The following MMP15 variants were observed in gnomAD, a reference collection of about 807,000 sequenced individuals.
MMP15 encodes the protein matrix metallopeptidase 15, also known as matrix metalloproteinase-15.
Under a neutral mutation model 65.0 loss-of-function variants are expected in MMP15, and 36 were observed. That is an observed-to-expected ratio of 0.55 (90% CI 0.42 to 0.73). The LOEUF is 0.73. MMP15 is among the 30% of genes least tolerant of loss of function. The pLI, the probability that MMP15 is intolerant of heterozygous loss-of-function variation, is 0.00. For missense variants in MMP15, 870 were observed against 987.8 expected (o/e 0.88, Z 1.60); for synonymous variants, 428 against 410.2 (o/e 1.04, Z -0.52).
chr16:58,042,515 C>A, intron 7 of MMP15, 146 bp downstream of exon 7: 2 of 1,219,114 alleles, frequency 1.6e-6, no homozygotes, highest in Non-Finnish European at 2.3e-6. Flanking sequence ...AGGATGAGGA[C>A]ACAGCAGCAA....
intron 1 of MMP15, among the ~76,000 whole-genome samples, chr16:58,032,505 G>T (rs550371180): frequency 1.3e-5 from 2 of 152,356 alleles, no homozygotes; most frequent in African/African-American, 4.8e-5. Context: ...GTCCGTAGAG[G>T]CCTGGCGGGT....
intron 1 of MMP15, among the ~76,000 whole-genome samples, chr16:58,032,742 T>C (rs1230943358): frequency 6.6e-6 from 1 of 152,044 alleles, no homozygotes; most frequent in Non-Finnish European, 1.5e-5. Flanking sequence ...ATACCAAGAC[T>C]ATAGGGTAGG....
intron 1 of MMP15, among the ~76,000 whole-genome samples, chr16:58,034,136 C>T (rs985054651): frequency 2.0e-5 from 3 of 152,242 alleles, no homozygotes; most frequent in African/African-American, 7.2e-5. Flanking sequence ...CAAAGCTTCA[C>T]CCGCTTGGCT....
At position 58,045,441 on chromosome 16, in the gene MMP15, G is replaced by A. The variant is rs1666745816; in HGVS notation, c.2005G>A (p.Val669Ile). ...CTGCAAGCGCTCGCTGCAGGAGTGGGTCTGACCACCCAGCGCTCCTGCTAA... is the reference window on the plus strand; with the variant it reads ...CTGCAAGCGCTCGCTGCAGGAGTGGATCTGACCACCCAGCGCTCCTGCTAA... ...LYCKRSLQEW[V>I] The change falls in exon 10 of 10, where the codon GTC (valine) becomes ATC (isoleucine). Residue 669 changes from valine to isoleucine, a missense_variant. Val to Ile is a conservative substitution (Grantham distance 29). Coordinates refer to ENST00000219271, the MANE Select transcript of MMP15 (RefSeq NM_002428.4). 1 of 1,526,364 alleles carries A rather than the reference G, an allele frequency of 6.6e-7. No individual in the cohort carries two copies. Among genetic ancestry groups the A allele is most frequent in the African/African-American group, 1.4e-5 (1 of 73,226 alleles). The allele number at this position is 1,526,364 out of a possible 1,614,324, so 94.6% of individuals were successfully genotyped here. A position where few individuals can be genotyped will look rare whatever the true frequency, so the allele number is the denominator to read the frequency against.
At chr16:58,036,075 TG>T (rs1328992741) in intron 1 of MMP15, among the ~76,000 whole-genome samples, 1 of 152,220 alleles carries the variant, frequency 6.6e-6, no homozygotes, top group African/African-American at 2.4e-5. Context: ...CCCTGCTGCC[TG>T]GGCCCTCGGG....
chr16:58,044,961 T>C (rs781532220), intron 9 of MMP15, 46 bp from the exon 10 acceptor site: 21 of 1,603,974 alleles, frequency 1.3e-5, no homozygotes, highest in South Asian at 2.2e-5. Context: ...TTCTCACTGG[T>C]GGTTCGGCTC....
Position 58,026,221 on chromosome 16 carries a change from C to CCGGCGGGGACCGGGAGCCCGAGGT in MMP15, c.-128_-105dup. 9.3e-7 allele frequency: 1 copy of CCGGCGGGGACCGGGAGCCCGAGGT among 1,070,104 alleles called. No individual in the cohort carries two copies. Among genetic ancestry groups the CCGGCGGGGACCGGGAGCCCGAGGT allele is most frequent in the African/African-American group, 1.6e-5 (1 of 60,856 alleles). The allele number at this position is 1,070,104 out of a possible 1,614,324, so 66.3% of individuals were successfully genotyped here. On this transcript the variant is annotated 5_prime_UTR_variant, in exon 1 of 10. Coordinates refer to ENST00000219271, the MANE Select transcript of MMP15 (RefSeq NM_002428.4). ...ATTTGCCGAGGCGACCTAGGCGGCT[C>CCGGCGGGGACCGGGAGCCCGAGGT]CGGCGGGGACCGGGAGCCCGAGGTC... is the stretch of plus-strand genomic sequence containing the variant.
In MMP15 at chr16:58,026,244, G is replaced by T. The variant is rs575998676; in HGVS notation, c.-107G>T. On this transcript the variant is annotated 5_prime_UTR_variant, in exon 1 of 10. Transcript: ENST00000219271. ...CTCCGGCGGGGACCGGGAGCCCGAG[G>T]TCCGCGGCGCGCCTGCCGGGCCAGG... The T allele has an allele frequency of 8.4e-7, 1 of 1,190,868 alleles. No homozygotes were observed. The highest frequency in any genetic ancestry group is 1.1e-6 in the Non-Finnish European group (1 of 949,260). 73.8% of individuals were successfully genotyped at this position (1,190,868 alleles called of 1,614,324 possible).
rs1050045255 is a variant in MMP15 at position 58,040,721 on chromosome 16, G to T, written c.910+23G>T. ...ACGGTGCGTGGGCTGTGACCAGCGG[G>T]CTCTGCATGCCGCTCTCAAGTCCCT... is the stretch of plus-strand genomic sequence containing the variant. On this transcript the variant is annotated intron_variant, in intron 5 of 9. Transcript: ENST00000219271. The T allele has an allele frequency of 4.3e-6, 7 of 1,613,636 alleles. No homozygotes were observed. In the Admixed American group the frequency reaches 1.2e-4, roughly 27 times the overall value.
intron 1 of MMP15, among the ~76,000 whole-genome samples, chr16:58,030,320 G>C (rs551707323): frequency 6.6e-6 from 1 of 152,318 alleles, no homozygotes; most frequent in Admixed American, 6.5e-5. Flanking sequence ...CATCTGGCTG[G>C]ACAGCTCTGA....
chr16:58,040,474 A>G (rs930270635), intron 4 of MMP15, 63 bp from the exon 5 acceptor site: 2 of 1,574,794 alleles, frequency 1.3e-6, no homozygotes, highest in African/African-American at 2.7e-5. Flanking sequence ...TGGAGGGTCC[A>G]GGGTGATTGG....
At position 58,045,060 on chromosome 16, in the gene MMP15, C is replaced by A; in HGVS notation, c.1624C>A (p.Leu542Met). 6.2e-7 allele frequency: 1 copy of A among 1,613,420 alleles called. No individual in the cohort carries two copies. The highest frequency in any genetic ancestry group is 8.5e-7 in the Non-Finnish European group (1 of 1,179,976). The change falls in exon 10 of 10, where the codon CTG becomes ATG. Residue 542 changes from leucine to methionine, a missense_variant. Transcript: ENST00000219271. ...TKYWKFDNERLRMEPGYPKSI... is the reference protein window; with the variant it reads ...TKYWKFDNERMRMEPGYPKSI... The stretch of plus-strand genomic sequence containing the variant: ...ATACTGGAAATTCGACAATGAGCGC[C>A]TGCGGATGGAGCCCGGCTACCCCAA...
rs1959550054 is a variant in MMP15, at chr16:58,045,554, C to T, written c.*108C>T. On this transcript the variant is annotated 3_prime_UTR_variant, in exon 10 of 10. Transcript: ENST00000219271. ...AGGGGCCCCTCTCAGCCCTCACACA[C>T]CCTGTCTGCCCCGCCCTCATTATTT... The T allele has an allele frequency of 4.8e-6, 4 of 826,302 alleles. No individual in the cohort carries two copies. In the South Asian group the frequency reaches 5.4e-5, roughly 11 times the overall value. The allele number at this position is 826,302 out of a possible 1,614,324, so 51.2% of individuals were successfully genotyped here.
intron 7 of MMP15, among the ~76,000 whole-genome samples, chr16:58,042,669 A>G (rs1279924726): frequency 6.6e-6 from 1 of 152,212 alleles, no homozygotes; most frequent in African/African-American, 2.4e-5. Flanking sequence ...CCTCATAAGA[A>G]CAGGTGCCCC....
intron 7 of MMP15, among the ~76,000 whole-genome samples, chr16:58,042,765 C>T (rs1454098673): frequency 1.3e-5 from 2 of 152,222 alleles, no homozygotes; most frequent in African/African-American, 4.8e-5. Flanking sequence ...TCCACCAGGG[C>T]TCTAACCCCA....
At chr16:58,034,844 G>C (rs921246355) in intron 1 of MMP15, among the ~76,000 whole-genome samples, 8 of 152,168 alleles carry the variant, frequency 5.3e-5, no homozygotes, top group Admixed American at 2.6e-4. Flanking sequence ...CGGGGTTGAA[G>C]GGGCCCCTCT....
At chr16:58,028,869 C>T (rs1017639533) in intron 1 of MMP15, among the ~76,000 whole-genome samples, 5 of 152,276 alleles carry the variant, frequency 3.3e-5, no homozygotes, top group Non-Finnish European at 5.9e-5. Flanking sequence ...TCCTATCCCA[C>T]ATTCTCCCTT....
intron 9 of MMP15, 65 bp downstream of exon 9, chr16:58,043,692 CA>C (rs2142331950): frequency 8.1e-7 from 1 of 1,229,480 alleles, no homozygotes; most frequent in East Asian, 2.5e-5. Flanking sequence ...CACCACAGGG[CA>C]GGGCTTGCCC....
In MMP15 at chr16:58,042,347, C is replaced by T. The variant is rs775288075; in HGVS notation, c.1281C>T (p.Asp427=). Residue 427 remains aspartate, a synonymous_variant, in exon 7 of 10, where the codon GAC becomes GAT. Coordinates refer to ENST00000219271, the MANE Select transcript of MMP15 (RefSeq NM_002428.4). Reference sequence around the variant, plus strand: ...TCAGTGCTGCCTACGAGCGCCAAGACGGTCGTTTTGTCTTTTTCAAAGGTG... The same window carrying T: ...TCAGTGCTGCCTACGAGCGCCAAGATGGTCGTTTTGTCTTTTTCAAAGGTG... ...GDISAAYERQ[D]GRFVFFKGDR... is the part of the protein sequence containing the mutation. The T allele has an allele frequency of 5.4e-5, 87 of 1,614,032 alleles. 1 individual carries two copies. In the Admixed American group the frequency reaches 7.2e-4, roughly 13 times the overall value.
Sources: allele counts gnomAD v4.1 joint callset (sites outside exome capture counted in the v4.1 genomes callset), GRCh38; gene constraint gnomAD v4.1.1; transcripts MANE v1.5; gene names NCBI Gene and HGNC (gene_info 2026-07-23, HGNC 2026-07-21).